APBB2: variants seen among roughly 807,000 people sequenced by gnomAD.
APBB2 encodes the protein Fe65-like 1.
APBB2 carries 38 observed loss-of-function variants against 82.5 expected under a neutral mutation model. The ratio of observed to expected loss-of-function variants is 0.46; its 90% CI spans 0.36 to 0.60. The LOEUF (loss-of-function observed/expected upper bound fraction) is 0.60, where lower values mean the gene tolerates loss of function less well. Ranked by LOEUF, APBB2 falls within the 20% of genes least tolerant of loss-of-function variation. The pLI is 0.00. For synonymous variants in APBB2, 341 were observed against 368.2 expected (o/e 0.93, Z 0.85); for missense variants, 772 against 972.3 (o/e 0.79, Z 2.74).
chr4:41,165,871 CCT>C (rs1491211695), intron 1 of APBB2, among the ~76,000 whole-genome samples: 11,218 of 148,274 alleles, frequency 0.076, 800 homozygotes, highest in African/African-American at 0.21. Flanking sequence ...TGTCAGGCCC[CCT>C]TTTTTTTTTT....
chr4:40,897,567 T>C (rs1305136225), intron 10 of APBB2, among the ~76,000 whole-genome samples: 1 of 152,112 alleles, frequency 6.6e-6, no homozygotes, highest in Non-Finnish European at 1.5e-5. Flanking sequence ...AAGCCTGACA[T>C]ATTACTATAG....
chr4:40,822,444 G>A (rs942744122), intron 16 of APBB2: 2 of 165,794 alleles, frequency 1.2e-5, no homozygotes, highest in Non-Finnish European at 2.6e-5. Flanking sequence ...AGGGATTCAC[G>A]GTATCTTTCT....
intron 6 of APBB2, among the ~76,000 whole-genome samples, chr4:40,984,594 C>T (rs1799929060): frequency 6.6e-6 from 1 of 152,068 alleles, no homozygotes; most frequent in African/African-American, 2.4e-5. Context: ...TTCTGGTTCA[C>T]CATGGAGTGA....
At chr4:40,875,383 G>A (rs969878116) in intron 12 of APBB2, among the ~76,000 whole-genome samples, 1 of 152,156 alleles carries the variant, frequency 6.6e-6, no homozygotes, top group Admixed American at 6.5e-5. Context: ...ACTTCACTAG[G>A]GGAGTCCCGT....
intron 10 of APBB2, among the ~76,000 whole-genome samples, chr4:40,929,331 C>CA (rs1474625569): frequency 6.6e-6 from 1 of 152,106 alleles, no homozygotes; most frequent in Non-Finnish European, 1.5e-5. Flanking sequence ...ATTTTTGAGA[C>CA]AGAGTCCTTG....
chr4:40,915,474 T>C (rs1427608241), intron 10 of APBB2, among the ~76,000 whole-genome samples: 1 of 152,210 alleles, frequency 6.6e-6, no homozygotes, highest in East Asian at 1.9e-4. Flanking sequence ...AATGAATGTA[T>C]ATCTGCGAAG....
At chr4:40,880,147 G>T in intron 12 of APBB2, 1 of 985,364 alleles carries the variant, frequency 1.0e-6, no homozygotes, top group South Asian at 4.7e-5. Flanking sequence ...CACACAGAGC[G>T]CCCCTAACAT....
At chr4:41,025,650 G>A (rs893228060) in intron 5 of APBB2, among the ~76,000 whole-genome samples, 1 of 152,058 alleles carries the variant, frequency 6.6e-6, no homozygotes, top group Non-Finnish European at 1.5e-5. Context: ...CAGTCATGGT[G>A]GCTCATGCCT....
intron 6 of APBB2, among the ~76,000 whole-genome samples, chr4:40,981,353 G>T (rs1438540953): frequency 6.6e-6 from 1 of 151,124 alleles, no homozygotes; most frequent in Non-Finnish European, 1.5e-5. Flanking sequence ...CTGTACTCTG[G>T]CCTGGCGACA....
chr4:41,121,893 T>TTGTG (rs375623687), intron 2 of APBB2, among the ~76,000 whole-genome samples: 2 of 150,282 alleles, frequency 1.3e-5, no homozygotes, highest in Non-Finnish European at 3.0e-5. Flanking sequence ...CCTTTTTTGG[T>TTGTG]TGTGTGTGTG....
chr4:40,913,746 C>CT (rs1553967483), intron 10 of APBB2, among the ~76,000 whole-genome samples: 1 of 152,098 alleles, frequency 6.6e-6, no homozygotes, highest in Non-Finnish European at 1.5e-5. Flanking sequence ...TTTAGTACCA[C>CT]TTTTTTCACA....
chr4:40,836,693 G>A lies in APBB2; in HGVS notation c.1530-6116C>T, dbSNP rs59892203. Among the ~76,000 whole-genome samples the A allele has an allele frequency of 6.4e-4, 98 of 152,310 alleles. 2 individuals are homozygous for A. In the East Asian group the frequency reaches 0.018, roughly 27 times the overall value. On this transcript the variant is annotated intron_variant, in intron 12 of 17. Transcript: ENST00000508593. ...AGGGAAAGGGGTAGAGAGCTTTCCA[G>A]AACAGTGGGAGACAGGCCAGGTGGT...
chr4:41,188,271 T>C (rs1198997854), intron 1 of APBB2, among the ~76,000 whole-genome samples: 1 of 152,182 alleles, frequency 6.6e-6, no homozygotes, highest in African/African-American at 2.4e-5. Flanking sequence ...TCCAGCCCTA[T>C]TGACAAGCTA....
chr4:41,077,882 A>G (rs1736192196), intron 3 of APBB2, among the ~76,000 whole-genome samples: 1 of 152,242 alleles, frequency 6.6e-6, no homozygotes, highest in Non-Finnish European at 1.5e-5. Flanking sequence ...AGAATGAGCA[A>G]GCAGAGAGCC....
chr4:40,817,391 G>A (rs1396482469), intron 17 of APBB2, among the ~76,000 whole-genome samples: 5 of 152,016 alleles, frequency 3.3e-5, no homozygotes, highest in South Asian at 4.2e-4. Context: ...CCTGGGCGAC[G>A]GAGTGAACCC....
intron 4 of APBB2, among the ~76,000 whole-genome samples, chr4:41,053,243 CTA>C (rs1244995031): frequency 7.2e-5 from 11 of 152,152 alleles, no homozygotes; most frequent in Non-Finnish European, 2.9e-5. Context: ...CCTATGACTT[CTA>C]GTTTTTTTCC....
intron 12 of APBB2, among the ~76,000 whole-genome samples, chr4:40,877,439 C>T (rs971253421): frequency 2.6e-5 from 4 of 152,176 alleles, no homozygotes; most frequent in Non-Finnish European, 4.4e-5. Flanking sequence ...TTGTTCCCAT[C>T]CTCATTCCAG....
At chr4:40,917,487 T>C (rs958694981) in intron 10 of APBB2, among the ~76,000 whole-genome samples, 2 of 150,326 alleles carry the variant, frequency 1.3e-5, no homozygotes, top group Admixed American at 6.7e-5. Context: ...ATTTTTTTCA[T>C]ATCCCACAAT....
chr4:40,932,296 T>C (rs988998183), intron 10 of APBB2, among the ~76,000 whole-genome samples: 4 of 152,210 alleles, frequency 2.6e-5, no homozygotes, highest in African/African-American at 9.7e-5. Context: ...TTCCTTACCA[T>C]AAAATTTATC....
Sources: gnomAD v4.1 joint callset for allele counts (sites outside exome capture counted in the v4.1 genomes callset) on GRCh38, gnomAD v4.1.1 for gene constraint, MANE v1.5 for transcripts, NCBI Gene and HGNC (gene_info 2026-07-23, HGNC 2026-07-21) for gene names.